The following PCDHA7 variants were observed in gnomAD, a reference collection of about 807,000 sequenced individuals.
PCDHA7 encodes the protein protocadherin alpha-7.
PCDHA7 carries 37 observed loss-of-function variants against 57.2 expected under a neutral mutation model. That is an observed-to-expected ratio of 0.65 (90% confidence interval 0.50 to 0.85). The LOEUF is 0.85. Among genes scored for constraint, PCDHA7 ranks in the 40% least tolerant of loss-of-function variants. The probability of loss-of-function intolerance (pLI) is 0.00; values close to 1 mark genes in which losing one functional copy is unlikely to be tolerated. For missense variants in PCDHA7, 1,188 were observed against 1,241.8 expected (o/e 0.96, Z 0.65); for synonymous variants, 553 against 558.8 (o/e 0.99, Z 0.15).
chr5:140,978,601 G>A (rs1382051729), intron 1 of PCDHA7, among the ~76,000 whole-genome samples: 1 of 152,244 alleles, frequency 6.6e-6, no homozygotes, highest in African/African-American at 2.4e-5. Flanking sequence ...TGGGGCACTT[G>A]AGGGCAAAAG....
intron 1 of PCDHA7, chr5:140,862,603 G>A (rs2047445390): frequency 3.9e-6 from 2 of 515,596 alleles, no homozygotes; most frequent in Non-Finnish European, 7.9e-6. Context: ...CATGGTGTTC[G>A]TGAAAGGTAA....
Position 140,910,416 on chromosome 5 carries a change from A to G in PCDHA7, c.2356-68533A>G, listed in dbSNP as rs191093101. Among the ~76,000 whole-genome samples, 67 of 152,280 alleles carry G rather than the reference A, an allele frequency of 4.4e-4. No individual in the cohort carries two copies. In the East Asian group the frequency reaches 0.013, roughly 28 times the overall value. ...CTGGCCCCTGCCACCTCGAGATCCAATTATTCCCATTGCATTTAAGTTTTG... is the reference window on the plus strand; with the variant it reads ...CTGGCCCCTGCCACCTCGAGATCCAGTTATTCCCATTGCATTTAAGTTTTG... On this transcript the variant is annotated intron_variant, in intron 1 of 3. Coordinates refer to ENST00000525929, the MANE Select transcript of PCDHA7 (RefSeq NM_018910.3).
chr5:140,856,327 G>C, intron 1 of PCDHA7: 1 of 1,598,708 alleles, frequency 6.3e-7, no homozygotes, highest in Non-Finnish European at 8.6e-7. Flanking sequence ...ACCGCGAGGA[G>C]CTGTGCGGGC....
intron 1 of PCDHA7, chr5:140,883,291 A>G: frequency 6.2e-7 from 1 of 1,614,118 alleles, no homozygotes; most frequent in Non-Finnish European, 8.5e-7. Flanking sequence ...TGGAAGTACT[A>G]GATGTAAATG....
At chr5:140,950,065 G>A (rs1403260430) in intron 1 of PCDHA7, among the ~76,000 whole-genome samples, 1 of 151,574 alleles carries the variant, frequency 6.6e-6, no homozygotes, top group Non-Finnish European at 1.5e-5. Context: ...AGCTCTTCCT[G>A]TGCCATTGCT....
intron 1 of PCDHA7, chr5:140,882,650 G>A (rs782695823): frequency 8.1e-6 from 13 of 1,614,212 alleles, no homozygotes; most frequent in Non-Finnish European, 8.5e-6. Context: ...GGACATTAAC[G>A]ACAACCCGCC....
chr5:140,868,989 C>A (rs1280457697), intron 1 of PCDHA7: 91 of 1,506,736 alleles, frequency 6.0e-5, no homozygotes, highest in Non-Finnish European at 7.5e-5. Context: ...CGGATGCCAC[C>A]GTTTAAGGAT....
chr5:140,874,469 G>C (rs2054929448), intron 1 of PCDHA7, among the ~76,000 whole-genome samples: 1 of 152,212 alleles, frequency 6.6e-6, no homozygotes, highest in Non-Finnish European at 1.5e-5. Flanking sequence ...GGAAGATTTA[G>C]AGAAAAAGCA....
At chr5:140,951,560 C>T (rs2094602519) in intron 1 of PCDHA7, among the ~76,000 whole-genome samples, 1 of 151,998 alleles carries the variant, frequency 6.6e-6, no homozygotes. Flanking sequence ...AAGTGCTACG[C>T]ACTTTTAAAC....
At chr5:140,862,664 C>A in intron 1 of PCDHA7, 1 of 547,450 alleles carries the variant, frequency 1.8e-6, no homozygotes, top group Non-Finnish European at 3.7e-6. Flanking sequence ...GACCGGGACG[C>A]GCAGGAGAAC....
At chr5:140,848,832 C>A in intron 1 of PCDHA7, 1 of 1,590,228 alleles carries the variant, frequency 6.3e-7, no homozygotes. Flanking sequence ...CGTAGACAGG[C>A]CGCTGCAGGT....
intron 1 of PCDHA7, chr5:140,969,446 C>A (rs782526198): frequency 6.5e-7 from 1 of 1,541,082 alleles, no homozygotes; most frequent in African/African-American, 1.4e-5. Flanking sequence ...ATCTGGTAAA[C>A]TGAGTATATA....
intron 1 of PCDHA7, among the ~76,000 whole-genome samples, chr5:140,944,361 A>G (rs1463339181): frequency 6.6e-6 from 1 of 151,888 alleles, no homozygotes; most frequent in Non-Finnish European, 1.5e-5. Flanking sequence ...CTAATTTTTA[A>G]TTTTTTATAG....
In PCDHA7 at chr5:140,849,860, C is replaced by T. The variant is rs1451585591; in HGVS notation, c.2355+13122C>T. The T allele has an allele frequency of 5.6e-5, 89 of 1,598,432 alleles. 9 individuals carry two copies. Among genetic ancestry groups the T allele is most frequent in the Non-Finnish European group, 7.4e-5 (87 of 1,167,988 alleles). ...ACGTGAACGACAACGCACCAGCGTT[C>T]GCGCAGTCCGAGTACACGGTGTTCG... On this transcript the variant is annotated intron_variant, in intron 1 of 3. Transcript: ENST00000525929.
chr5:141,001,936 C>A (rs1440677153), intron 3 of PCDHA7, among the ~76,000 whole-genome samples: 3 of 151,788 alleles, frequency 2.0e-5, no homozygotes, highest in Non-Finnish European at 2.9e-5. Context: ...GGGTGGTGAG[C>A]GGAAATAAGG....
chr5:140,972,056 G>A (rs995898254), intron 1 of PCDHA7, among the ~76,000 whole-genome samples: 8 of 152,106 alleles, frequency 5.3e-5, no homozygotes, highest in Non-Finnish European at 1.2e-4. Flanking sequence ...TCACCTAGTC[G>A]TATATATTAA....
At chr5:140,849,834 G>C in intron 1 of PCDHA7, 1 of 1,598,606 alleles carries the variant, frequency 6.3e-7, no homozygotes, top group South Asian at 1.1e-5. Flanking sequence ...GGAGGTGGCC[G>C]ACGTGAACGA....
At chr5:140,906,518 A>G (rs377287696) in intron 1 of PCDHA7, among the ~76,000 whole-genome samples, 161 of 152,358 alleles carry the variant, frequency 1.1e-3, no homozygotes, top group African/African-American at 3.7e-3. Flanking sequence ...AGGAGGAAAT[A>G]CTCACGACAA....
chr5:140,870,130 A>T (rs781855370), intron 1 of PCDHA7: 2 of 1,613,866 alleles, frequency 1.2e-6, no homozygotes, highest in East Asian at 4.5e-5. Context: ...CTTGGACACC[A>T]ACGATAACTC....
Sources: allele counts gnomAD v4.1 joint callset (sites outside exome capture counted in the v4.1 genomes callset), GRCh38; gene constraint gnomAD v4.1.1; transcripts MANE v1.5; gene names NCBI Gene and HGNC (gene_info 2026-07-23, HGNC 2026-07-21).